SEMA3A: variants seen among roughly 807,000 people sequenced by gnomAD.
SEMA3A encodes the protein semaphorin 3A, also known as semaphorin-3A.
Under a neutral mutation model 97.9 loss-of-function variants are expected in SEMA3A, and 29 were observed. That is an observed-to-expected ratio of 0.30 (90% confidence interval 0.22 to 0.40). The LOEUF is 0.40. Ranked by LOEUF, SEMA3A falls within the 10% of genes least tolerant of loss-of-function variation. SEMA3A has a pLI of 1.00. For missense variants in SEMA3A, 763 were observed against 951.3 expected (o/e 0.80, Z 2.60); for synonymous variants, 321 against 323.7 (o/e 0.99, Z 0.09).
intron 4 of SEMA3A, among the ~76,000 whole-genome samples, chr7:84,075,331 G>T (rs1236424819): frequency 6.8e-6 from 1 of 146,128 alleles, no homozygotes; most frequent in Non-Finnish European, 1.5e-5. Flanking sequence ...CTGCCACCAT[G>T]CCAGGCTGAT....
intron 3 of SEMA3A, among the ~76,000 whole-genome samples, chr7:84,125,159 ATTT>A (rs1795753159): frequency 6.6e-6 from 1 of 152,184 alleles, no homozygotes; most frequent in Non-Finnish European, 1.5e-5. Flanking sequence ...AAGCACAAAT[ATTT>A]TATAATGTTA....
At chr7:84,122,098 C>T (rs1234048167) in intron 3 of SEMA3A, among the ~76,000 whole-genome samples, 1 of 151,722 alleles carries the variant, frequency 6.6e-6, no homozygotes, top group East Asian at 1.9e-4. Context: ...AATCGCCACA[C>T]TGACTTCCAC....
At chr7:84,181,291 A>G (rs1253937554) in intron 1 of SEMA3A, among the ~76,000 whole-genome samples, 4 of 149,074 alleles carry the variant, frequency 2.7e-5, no homozygotes, top group South Asian at 2.1e-4. Flanking sequence ...ATTCAGGTTT[A>G]CATGGTCAAA....
chr7:84,053,273 C>T (rs1196211084), intron 5 of SEMA3A, among the ~76,000 whole-genome samples: 8 of 106,212 alleles, frequency 7.5e-5, no homozygotes, highest in Non-Finnish European at 6.8e-5. Flanking sequence ...TCCTTGTTGA[C>T]TTTCTGTCTC....
chr7:84,257,236 A>G (rs965928665), intron 3 of SEMA3A, among the ~76,000 whole-genome samples: 1 of 151,910 alleles, frequency 6.6e-6, no homozygotes, highest in Non-Finnish European at 1.5e-5. Flanking sequence ...TAAATGTCAA[A>G]CTCTCATCAA....
In SEMA3A at chr7:84,065,563, C is replaced by T. The variant is rs368000477; in HGVS notation, c.454-5005G>A. Among the ~76,000 whole-genome samples the T allele has an allele frequency of 1.9e-4, 28 of 146,746 alleles. 1 individual carries two copies. Among genetic ancestry groups the T allele is most frequent in the African/African-American group, 4.1e-4 (16 of 38,986 alleles). ...AAAAAAGAGAGAAGAATCAAATAGA[C>T]GCAATAAGAAATGATAAAGGGGATA... On this transcript the variant is annotated intron_variant, in intron 4 of 16. Coordinates refer to ENST00000265362, the MANE Select transcript of SEMA3A (RefSeq NM_006080.3).
At chr7:84,395,459 T>C (rs76318395) in intron 1 of SEMA3A, among the ~76,000 whole-genome samples, 3,911 of 152,240 alleles carry the variant, frequency 0.026, 160 homozygotes, top group African/African-American at 0.088. Flanking sequence ...ACATGTTGTT[T>C]ATATTTCAGG....
chr7:84,115,588 T>G (rs192234040), intron 3 of SEMA3A, among the ~76,000 whole-genome samples: 1 of 152,288 alleles, frequency 6.6e-6, no homozygotes. Flanking sequence ...TTTAGGCTTA[T>G]GTTTTCTTTT....
intron 3 of SEMA3A, among the ~76,000 whole-genome samples, chr7:84,124,261 T>C (rs1391886249): frequency 6.6e-6 from 1 of 152,192 alleles, no homozygotes; most frequent in African/African-American, 2.4e-5. Context: ...TTTTACCCAG[T>C]GTGACTTGTT....
chr7:84,488,403 T>G (rs1311439420), intron 1 of SEMA3A, among the ~76,000 whole-genome samples: 1 of 152,000 alleles, frequency 6.6e-6, no homozygotes, highest in African/African-American at 2.4e-5. Flanking sequence ...CCATTCTATC[T>G]TTCAAAAAAC....
At chr7:84,180,539 T>G (rs1182536482) in intron 1 of SEMA3A, among the ~76,000 whole-genome samples, 2 of 151,740 alleles carry the variant, frequency 1.3e-5, no homozygotes, top group Non-Finnish European at 2.9e-5. Context: ...AATACAAAAA[T>G]TAGCTGGGTG....
At chr7:84,153,687 A>T (rs1017916479) in intron 1 of SEMA3A, among the ~76,000 whole-genome samples, 2 of 152,098 alleles carry the variant, frequency 1.3e-5, no homozygotes, top group African/African-American at 4.8e-5. Context: ...TGAGGTCAAA[A>T]ATGTTACTTT....
intron 7 of SEMA3A, among the ~76,000 whole-genome samples, chr7:84,013,455 G>A (rs959446935): frequency 3.9e-5 from 6 of 152,134 alleles, no homozygotes; most frequent in African/African-American, 1.4e-4. Flanking sequence ...GTGTGTGTGT[G>A]TATATGTGTG....
intron 2 of SEMA3A, among the ~76,000 whole-genome samples, chr7:84,324,231 A>G (rs1473263001): frequency 2.6e-5 from 4 of 152,202 alleles, no homozygotes; most frequent in Non-Finnish European, 5.9e-5. Context: ...GGTGGGTGGG[A>G]TAAATCCATA....
At chr7:84,321,302 G>C (rs1321842618) in intron 2 of SEMA3A, among the ~76,000 whole-genome samples, 2 of 152,026 alleles carry the variant, frequency 1.3e-5, no homozygotes, top group Non-Finnish European at 2.9e-5. Flanking sequence ...GTTTTTCCAA[G>C]TTACATTTAC....
intron 3 of SEMA3A, among the ~76,000 whole-genome samples, chr7:84,298,378 C>G (rs73384887): frequency 6.6e-6 from 1 of 152,038 alleles, no homozygotes; most frequent in African/African-American, 2.4e-5. Context: ...AACAAATAAA[C>G]AAACAAATAT....
At chr7:84,024,108 G>A (rs1791450859) in intron 6 of SEMA3A, among the ~76,000 whole-genome samples, 1 of 151,812 alleles carries the variant, frequency 6.6e-6, no homozygotes, top group African/African-American at 2.4e-5. Context: ...AACTATGAAG[G>A]AAAACTCTTT....
intron 3 of SEMA3A, among the ~76,000 whole-genome samples, chr7:84,284,433 G>A (rs1449605082): frequency 6.6e-6 from 1 of 152,058 alleles, no homozygotes; most frequent in African/African-American, 2.4e-5. Flanking sequence ...AGACAAAATA[G>A]GAAACACAGC....
chr7:84,184,575 A>G (rs1466056192), intron 1 of SEMA3A, among the ~76,000 whole-genome samples: 1 of 152,158 alleles, frequency 6.6e-6, no homozygotes, highest in Non-Finnish European at 1.5e-5. Flanking sequence ...TATAGACTGA[A>G]GTACTACCAG....
Sources: allele counts gnomAD v4.1 joint callset (sites outside exome capture counted in the v4.1 genomes callset), GRCh38; gene constraint gnomAD v4.1.1; transcripts MANE v1.5; gene names NCBI Gene and HGNC (gene_info 2026-07-23, HGNC 2026-07-21).